The following IL1RAPL1 variants were observed in gnomAD, a reference collection of about 807,000 sequenced individuals.
IL1RAPL1 encodes interleukin-1 receptor accessory protein-like 1.
IL1RAPL1 carries 3 observed loss-of-function variants against 48.4 expected under a neutral mutation model. The ratio of observed to expected loss-of-function variants is 0.06; its 90% CI spans 0.03 to 0.16. The LOEUF is 0.16. Ranked by LOEUF, IL1RAPL1 falls within the 10% of genes least tolerant of loss-of-function variation. The pLI, the probability that IL1RAPL1 is intolerant of heterozygous loss-of-function variation, is 1.00. For synonymous variants in IL1RAPL1, 185 were observed against 187.7 expected, an observed-to-expected ratio of 0.99 and a Z score of 0.12; for missense variants, 349 against 530.6, an observed-to-expected ratio of 0.66 and a Z score of 3.36.
At chrX:28,932,186 G>A (rs760614333) in intron 2 of IL1RAPL1, among the ~76,000 whole-genome samples, 240 of 110,538 alleles carry the variant, frequency 2.2e-3, no homozygotes, top group Non-Finnish European at 3.9e-3. Context: ...ACTTTTTTAT[G>A]GTTAGATTCT....
chrX:29,649,676 G>C, intron 5 of IL1RAPL1, among the ~76,000 whole-genome samples: 1 of 111,660 alleles, frequency 9.0e-6, no homozygotes, highest in South Asian at 3.7e-4. Context: ...AAAGTTGTAA[G>C]CTTTTCCTCA....
chrX:29,386,525 G>A (rs1314335523), intron 3 of IL1RAPL1, among the ~76,000 whole-genome samples: 1 of 104,416 alleles, frequency 9.6e-6, no homozygotes, highest in African/African-American at 3.5e-5. Flanking sequence ...TACATGTGTT[G>A]TATTGACTGA....
intron 5 of IL1RAPL1, among the ~76,000 whole-genome samples, chrX:29,587,052 C>G (rs1923194697): frequency 9.0e-6 from 1 of 110,648 alleles, no homozygotes; most frequent in South Asian, 3.8e-4. Context: ...GACTTTAAAA[C>G]CATATAATTT....
intron 2 of IL1RAPL1, among the ~76,000 whole-genome samples, chrX:28,837,998 A>T (rs1442090010): frequency 1.8e-5 from 2 of 110,477 alleles, no homozygotes; most frequent in African/African-American, 3.3e-5. Flanking sequence ...TCACCAAATC[A>T]CTAAGTGTAG....
chrX:28,667,978 C>G (rs1373258226), intron 1 of IL1RAPL1, among the ~76,000 whole-genome samples: 1 of 111,827 alleles, frequency 8.9e-6, no homozygotes, highest in East Asian at 2.8e-4. Flanking sequence ...TAGAGGGACA[C>G]AAACATTCAG....
At position 28,892,795 on chromosome X, in the gene IL1RAPL1, T is replaced by G. The variant is rs187468761; in HGVS notation, c.82+103370T>G. On this transcript the variant is annotated intron_variant, in intron 2 of 10. Coordinates refer to ENST00000378993, the MANE Select transcript of IL1RAPL1 (RefSeq NM_014271.4). Reference sequence around the variant, plus strand: ...ATTGTGGGGTTGTTAGAAGAAACATTTGTTGTGTAGAATTATTGGTGACGG... The same window carrying G: ...ATTGTGGGGTTGTTAGAAGAAACATGTGTTGTGTAGAATTATTGGTGACGG... Among the ~76,000 whole-genome samples, 44 of 110,294 alleles carry G rather than the reference T, an allele frequency of 4.0e-4. 1 individual carries two copies. Among genetic ancestry groups the G allele is most frequent in the Admixed American group, 4.0e-3 (41 of 10,283 alleles).
chrX:28,968,312 T>TG (rs1027978413), intron 2 of IL1RAPL1, among the ~76,000 whole-genome samples: 2 of 111,225 alleles, frequency 1.8e-5, no homozygotes, highest in African/African-American at 6.5e-5. Flanking sequence ...ATTATTAATT[T>TG]GGGGGGCTGA....
chrX:29,563,497 A>G (rs1195259134), intron 5 of IL1RAPL1, among the ~76,000 whole-genome samples: 6 of 112,544 alleles, frequency 5.3e-5, no homozygotes, highest in African/African-American at 1.9e-4. Flanking sequence ...CACCATTTAC[A>G]TGTTTTTCAA....
In IL1RAPL1 at chrX:29,089,749, AATAT is replaced by A. The variant is rs1159198583; in HGVS notation, c.83-193154_83-193151del. Among the ~76,000 whole-genome samples the A allele has an allele frequency of 4.3e-3, 73 of 16,975 alleles. 6 individuals are homozygous for A. Among genetic ancestry groups the A allele is most frequent in the South Asian group, 0.018 (2 of 112 alleles). 14.7% of individuals were successfully genotyped at this position (16,975 alleles called of 115,157 possible). A position where few individuals can be genotyped will look rare whatever the true frequency, so the allele number is the denominator to read the frequency against. On this transcript the variant is annotated intron_variant, in intron 2 of 10. Transcript: ENST00000378993. ...TTCTACATGAAAGCAGAGAAATATG[AATAT>A]ATATATATATATATATATATATATA...
intron 2 of IL1RAPL1, among the ~76,000 whole-genome samples, chrX:29,244,270 G>A (rs1375736058): frequency 5.4e-5 from 6 of 112,074 alleles, no homozygotes. Flanking sequence ...GTGAATCTTT[G>A]ACACAGAAAG....
chrX:29,523,561 A>G (rs910009624), intron 5 of IL1RAPL1, among the ~76,000 whole-genome samples: 2 of 112,020 alleles, frequency 1.8e-5, no homozygotes, highest in African/African-American at 3.2e-5. Flanking sequence ...TTAGGGCTTC[A>G]AAAAACACAC....
chrX:29,334,108 G>A (rs1326669381), intron 3 of IL1RAPL1, among the ~76,000 whole-genome samples: 6 of 86,875 alleles, frequency 6.9e-5, no homozygotes, highest in Non-Finnish European at 1.4e-4. Flanking sequence ...CGGGGCGGCT[G>A]GCCGGGCAGA....
intron 1 of IL1RAPL1, among the ~76,000 whole-genome samples, chrX:28,723,704 C>A (rs1285589335): frequency 8.9e-6 from 1 of 111,767 alleles, no homozygotes; most frequent in African/African-American, 3.3e-5. Flanking sequence ...AATTTTAGAT[C>A]TTTCCTGCTT....
Position 28,778,607 on chromosome X carries a change from T to C in IL1RAPL1, c.-24-10713T>C, listed in dbSNP as rs374284878. On this transcript the variant is annotated intron_variant, in intron 1 of 10. Transcript: ENST00000378993. ...GGCAGATAGAAACTGTGTAGTGTTTTTATTTATGCTCTCTATTCTTCAGCA... is the reference window on the plus strand; with the variant it reads ...GGCAGATAGAAACTGTGTAGTGTTTCTATTTATGCTCTCTATTCTTCAGCA... Among the ~76,000 whole-genome samples the C allele has an allele frequency of 4.3e-4, 48 of 111,778 alleles. 1 individual carries two copies. The East Asian group carries it at 0.01, about 24-fold the overall frequency.
intron 6 of IL1RAPL1, among the ~76,000 whole-genome samples, chrX:29,851,856 T>C (rs1236684388): frequency 1.8e-5 from 2 of 112,651 alleles, no homozygotes; most frequent in African/African-American, 3.2e-5. Context: ...TTGTTGTGGC[T>C]CATTGGTAAG....
At chrX:28,860,340 G>A (rs1004963904) in intron 2 of IL1RAPL1, among the ~76,000 whole-genome samples, 7 of 111,225 alleles carry the variant, frequency 6.3e-5, no homozygotes, top group Non-Finnish European at 1.1e-4. Context: ...TGTTTTGAGG[G>A]TTAAGAGTAA....
intron 2 of IL1RAPL1, among the ~76,000 whole-genome samples, chrX:29,071,966 C>G (rs1007932569): frequency 5.4e-5 from 6 of 111,479 alleles, no homozygotes; most frequent in African/African-American, 2.0e-4. Context: ...TCCTAAAGCT[C>G]CCCTTTTGTT....
At chrX:29,848,990 C>G (rs1265096261) in intron 6 of IL1RAPL1, among the ~76,000 whole-genome samples, 1 of 110,312 alleles carries the variant, frequency 9.1e-6, no homozygotes, top group East Asian at 2.9e-4. Context: ...TAGTCTCGAA[C>G]TCCTACCCTT....
chrX:29,488,840 A>C (rs1935126023), intron 5 of IL1RAPL1, among the ~76,000 whole-genome samples: 1 of 112,496 alleles, frequency 8.9e-6, no homozygotes, highest in South Asian at 3.7e-4. Context: ...TTACTTTCCT[A>C]AAGAAATTTG....
Sources: gnomAD v4.1 joint callset for allele counts (sites outside exome capture counted in the v4.1 genomes callset) on GRCh38, gnomAD v4.1.1 for gene constraint, MANE v1.5 for transcripts, NCBI Gene and HGNC (gene_info 2026-07-23, HGNC 2026-07-21) for gene names.